The following FRMD6 variants were observed in gnomAD, a reference collection of about 807,000 sequenced individuals.
FRMD6 encodes FERM domain-containing protein 6.
FRMD6 carries 37 observed loss-of-function variants against 73.2 expected under a neutral mutation model. That is an observed-to-expected ratio of 0.51 (90% CI 0.39 to 0.66). The LOEUF is 0.66. Ranked by LOEUF, FRMD6 falls within the 30% of genes least tolerant of loss-of-function variation. The pLI is 0.00. For missense variants in FRMD6, 714 were observed against 780.5 expected, an observed-to-expected ratio of 0.91 and a Z score of 1.02; for synonymous variants, 273 against 282.2, an observed-to-expected ratio of 0.97 and a Z score of 0.33.
intron 2 of FRMD6, among the ~76,000 whole-genome samples, chr14:51,584,728 T>C (rs1888924375): frequency 6.6e-6 from 1 of 152,166 alleles, no homozygotes; most frequent in Admixed American, 6.5e-5. Flanking sequence ...TCCTGGCCTT[T>C]CCTTTTCTTA....
chr14:51,492,648 A>C (rs537259502), intron 1 of FRMD6, among the ~76,000 whole-genome samples: 19 of 152,334 alleles, frequency 1.2e-4, no homozygotes, highest in African/African-American at 4.3e-4. Flanking sequence ...AATTTTTAAA[A>C]AAAGAGAATA....
intron 2 of FRMD6, among the ~76,000 whole-genome samples, chr14:51,644,226 C>T (rs770424112): frequency 6.6e-6 from 1 of 151,972 alleles, no homozygotes; most frequent in African/African-American, 2.4e-5. Context: ...TCAAATCAAC[C>T]AAGGCTTCTT....
chr14:51,609,549 G>A (rs140054331), intron 2 of FRMD6, among the ~76,000 whole-genome samples: 18 of 152,308 alleles, frequency 1.2e-4, no homozygotes, highest in Middle Eastern at 3.4e-3. Context: ...CAGAGAAGGG[G>A]CAGAGGAAGT....
chr14:51,441,902 C>T, the FRMD6 span, among the ~76,000 whole-genome samples: 1 of 152,094 alleles, frequency 6.6e-6, no homozygotes, highest in Non-Finnish European at 1.5e-5. Context: ...TACTTAATGA[C>T]ATAATTAATC....
At chr14:51,544,137 T>C (rs182997811) in intron 1 of FRMD6, among the ~76,000 whole-genome samples, 67 of 152,150 alleles carry the variant, frequency 4.4e-4, no homozygotes, top group African/African-American at 1.5e-3. Flanking sequence ...TCAGACATTA[T>C]ATTATTTCAT....
intron 1 of FRMD6, among the ~76,000 whole-genome samples, chr14:51,538,687 A>G (rs1886041720): frequency 6.6e-6 from 1 of 152,212 alleles, no homozygotes; most frequent in Non-Finnish European, 1.5e-5. Flanking sequence ...CACCCTTGCC[A>G]AAAATCAACT....
chr14:51,641,075 A>G (rs1891788227), intron 2 of FRMD6, among the ~76,000 whole-genome samples: 1 of 152,078 alleles, frequency 6.6e-6, no homozygotes, highest in Non-Finnish European at 1.5e-5. Flanking sequence ...GGTTCAAGCA[A>G]TTCTCACGCC....
chr14:51,729,302 G>A lies in FRMD6; in HGVS notation c.*1273G>A, dbSNP rs1161987294. 1 of 152,412 alleles carries A rather than the reference G, an allele frequency of 6.6e-6. No individual in the cohort carries two copies. The highest frequency in any genetic ancestry group is 1.5e-5 in the Non-Finnish European group (1 of 68,038). 9.4% of individuals were successfully genotyped at this position (152,412 alleles called of 1,614,324 possible). ...AACAAAGTTGAAAACCACTGATCCT[G>A]GGGGTGTCTTGTTAATTTTGAAGTA... On this transcript the variant is annotated 3_prime_UTR_variant, in exon 14 of 14. Transcript: ENST00000344768.
intron 1 of FRMD6, among the ~76,000 whole-genome samples, chr14:51,529,511 C>A (rs1391543526): frequency 6.6e-6 from 1 of 152,206 alleles, no homozygotes; most frequent in Non-Finnish European, 1.5e-5. Context: ...TGTTCAGGCA[C>A]TGTGCTGGCC....
intron 12 of FRMD6, among the ~76,000 whole-genome samples, chr14:51,724,735 T>C (rs1260874825): frequency 6.6e-6 from 1 of 152,016 alleles, no homozygotes; most frequent in Non-Finnish European, 1.5e-5. Flanking sequence ...TTTTTTGTTT[T>C]TTTTTTTTAA....
chr14:51,696,473 T>C (rs1895949112), intron 2 of FRMD6, among the ~76,000 whole-genome samples: 1 of 151,808 alleles, frequency 6.6e-6, no homozygotes, highest in Non-Finnish European at 1.5e-5. Flanking sequence ...TTTTAAAGAC[T>C]ATCAGTTAAC....
At chr14:51,437,030 A>G in the FRMD6 span, 1 of 544,356 alleles carries the variant, frequency 1.8e-6, no homozygotes. Flanking sequence ...ATACATGTGC[A>G]CAACGTGCAA....
rs750029600 is a variant in FRMD6 at position 51,689,912 on chromosome 14, G to T, written c.76G>T (p.Glu26Ter). 2.5e-6 allele frequency: 4 copies of T among 1,608,960 alleles called. No homozygotes were observed. The highest frequency in any genetic ancestry group is 1.7e-6 in the Non-Finnish European group (2 of 1,175,260). Residue 26 changes from glutamate to a stop codon, truncating the protein, a stop_gained, in exon 2 of 14, where the codon GAA becomes TAA. Coordinates refer to ENST00000344768, the MANE Select transcript of FRMD6 (RefSeq NM_001267046.2). LOFTEE classifies it high-confidence loss of function. ...TGTGTGCATTTTCCTTCCCAACGATGAATCTCTGAACATCATCATAAATGT... is the reference window on the plus strand; with the variant it reads ...TGTGTGCATTTTCCTTCCCAACGATTAATCTCTGAACATCATCATAAATGT... The part of the protein sequence containing the change: ...RSVCIFLPND[E>*]SLNIIINVKI...
At chr14:51,535,804 C>A (rs1885850526) in intron 1 of FRMD6, among the ~76,000 whole-genome samples, 2 of 152,100 alleles carry the variant, frequency 1.3e-5, no homozygotes, top group South Asian at 4.1e-4. Context: ...ACCTAACAAT[C>A]CCACCAGCAA....
intron 1 of FRMD6, among the ~76,000 whole-genome samples, chr14:51,524,476 A>C (rs1056148173): frequency 1.3e-5 from 2 of 151,492 alleles, no homozygotes; most frequent in African/African-American, 4.9e-5. Context: ...TCCATTCTGT[A>C]CTATTCTCTA....
the FRMD6 span, among the ~76,000 whole-genome samples, chr14:51,463,205 A>C: frequency 3.9e-5 from 6 of 152,230 alleles, no homozygotes; most frequent in African/African-American, 1.4e-4. Context: ...ACTAAGTAGC[A>C]TTAATCTACT....
At chr14:51,713,558 C>G (rs947399064) in intron 9 of FRMD6, 6 of 151,946 alleles carry the variant, frequency 3.9e-5, no homozygotes, top group African/African-American at 1.5e-4. Context: ...ATGGGCTTCT[C>G]TCCTGTAAGA....
chr14:51,439,242 C>A, the FRMD6 span, among the ~76,000 whole-genome samples: 1 of 152,140 alleles, frequency 6.6e-6, no homozygotes, highest in Non-Finnish European at 1.5e-5. Context: ...CTGTATAGGT[C>A]TCTGTTTAGT....
intron 2 of FRMD6, among the ~76,000 whole-genome samples, chr14:51,617,203 C>A (rs1890750114): frequency 6.6e-6 from 1 of 152,188 alleles, no homozygotes; most frequent in African/African-American, 2.4e-5. Flanking sequence ...GCTCTCCACA[C>A]ACATTTTTAC....
Sources: gnomAD v4.1 joint callset for allele counts (sites outside exome capture counted in the v4.1 genomes callset) on GRCh38, gnomAD v4.1.1 for gene constraint, MANE v1.5 for transcripts, NCBI Gene and HGNC (gene_info 2026-07-23, HGNC 2026-07-21) for gene names.